The following PTPRA variants were observed in gnomAD, a reference collection of about 807,000 sequenced individuals.
PTPRA encodes receptor-type tyrosine-protein phosphatase alpha.
PTPRA carries 25 observed loss-of-function variants against 104.8 expected under a neutral mutation model. The observed-to-expected ratio is 0.24, with a 90% CI of 0.17 to 0.33. The LOEUF (loss-of-function observed/expected upper bound fraction) is 0.33, where lower values mean the gene tolerates loss of function less well. Ranked by LOEUF, PTPRA falls within the 10% of genes least tolerant of loss-of-function variation. The pLI is 1.00. For missense variants in PTPRA, 765 were observed against 1,015.3 expected, an observed-to-expected ratio of 0.75 and a Z score of 3.35; for synonymous variants, 323 against 368.9, an observed-to-expected ratio of 0.88 and a Z score of 1.43.
At chr20:2,893,012 C>G (rs1171731601) in intron 1 of PTPRA, among the ~76,000 whole-genome samples, 1 of 152,176 alleles carries the variant, frequency 6.6e-6, no homozygotes, top group African/African-American at 2.4e-5. Flanking sequence ...ACTGTCAATT[C>G]TGTCTTAATT....
At chr20:3,036,031 C>A in intron 22 of PTPRA, 90 bp downstream of exon 22, 1 of 1,582,082 alleles carries the variant, frequency 6.3e-7, no homozygotes, top group Non-Finnish European at 8.6e-7. Flanking sequence ...CTGAAGAAAG[C>A]CATACAAGAG....
chr20:2,954,153 C>G (rs1357505192), intron 3 of PTPRA, among the ~76,000 whole-genome samples: 1 of 148,586 alleles, frequency 6.7e-6, no homozygotes, highest in Non-Finnish European at 1.5e-5. Flanking sequence ...TCTTGGCTCA[C>G]TGCAACCTCC....
At chr20:2,873,372 A>C (rs2089479060), upstream of PTPRA, 2 of 152,274 alleles carry the variant, frequency 1.3e-5, no homozygotes, top group South Asian at 4.1e-4. This position sits in a 1 kb window ranked among gnomAD's most constrained non-coding sequence, Gnocchi z 4.4. Flanking sequence ...GTGAGCGCCC[A>C]GCGGAGCGCA....
chr20:2,982,759 C>CAAT (rs1025754052), intron 6 of PTPRA, among the ~76,000 whole-genome samples: 1 of 151,540 alleles, frequency 6.6e-6, no homozygotes, highest in African/African-American at 2.4e-5. Flanking sequence ...TGCAGTGGCG[C>CAAT]AATCTCGGCT....
At chr20:2,890,090 G>A (rs1387229191) in intron 1 of PTPRA, among the ~76,000 whole-genome samples, 2 of 149,222 alleles carry the variant, frequency 1.3e-5, no homozygotes, top group Non-Finnish European at 3.0e-5. Flanking sequence ...TAGAGATGAG[G>A]CCTCACTATG....
chr20:2,924,716 A>G (rs949846978), intron 2 of PTPRA, among the ~76,000 whole-genome samples: 26 of 152,096 alleles, frequency 1.7e-4, no homozygotes, highest in East Asian at 5.8e-4. Flanking sequence ...GAGTCTTGCT[A>G]TGTCACCAGG....
intron 1 of PTPRA, among the ~76,000 whole-genome samples, chr20:2,887,135 A>G (rs969323735): frequency 6.6e-6 from 1 of 152,194 alleles, no homozygotes; most frequent in African/African-American, 2.4e-5. Flanking sequence ...AGATTTTTCA[A>G]ACATAATGAG....
At chr20:2,935,672 A>G (rs1240169922) in intron 2 of PTPRA, among the ~76,000 whole-genome samples, 1 of 152,134 alleles carries the variant, frequency 6.6e-6, no homozygotes, top group Non-Finnish European at 1.5e-5. Context: ...GATCTACTTC[A>G]GCTTCGCTAC....
At position 3,022,191 on chromosome 20, in the gene PTPRA, G is replaced by C; in HGVS notation, c.1299G>C (p.Gln433His). 8 of 1,614,218 alleles carry C rather than the reference G, an allele frequency of 5.0e-6. No homozygotes were observed. The highest frequency in any genetic ancestry group is 6.8e-6 in the Non-Finnish European group (8 of 1,180,030). ...AGAAGGTGAAGGCCTGTAACCCTCA[G>C]TATGCAGGGGCCATCGTGGTCCACT... Reference protein sequence around the residue: ...FLKKVKACNPQYAGAIVVHCS... With the variant: ...FLKKVKACNPHYAGAIVVHCS... Residue 433 changes from glutamine (Q) to histidine (H), a missense_variant, in exon 15 of 24, where the codon CAG (glutamine) becomes CAC (histidine). By Grantham distance (24) the Gln-to-His change is conservative. Coordinates refer to ENST00000399903, the MANE Select transcript of PTPRA (RefSeq NM_001385305.1). The surrounding 1 kb of genome is among the most constrained non-coding windows in gnomAD (Gnocchi z 4.6).
At chr20:2,869,005 T>C (rs550923117), upstream of PTPRA, among the ~76,000 whole-genome samples, 6 of 152,316 alleles carry the variant, frequency 3.9e-5, no homozygotes, top group East Asian at 9.6e-4. Context: ...GAATTGTCTA[T>C]GGGGAGAGTT....
rs554433387 is a variant in PTPRA, at chr20:2,928,856, G to A, written c.-50+5571G>A. On this transcript the variant is annotated intron_variant, in intron 2 of 23. Transcript: ENST00000399903. ...TTTTTTTTTTTTTTTTTGAGACAGG[G>A]TCTCACCCTGTGGCCCAGACTGGAG... Among the ~76,000 whole-genome samples the A allele has an allele frequency of 7.4e-5, 11 of 147,858 alleles. 1 individual carries two copies. The South Asian group carries it at 1.9e-3, about 26-fold the overall frequency.
chr20:2,992,283 G>A (rs1391744109), intron 9 of PTPRA, among the ~76,000 whole-genome samples: 2 of 152,118 alleles, frequency 1.3e-5, no homozygotes, highest in Admixed American at 6.5e-5. Context: ...TTGAGAGGCT[G>A]AGTTGGACAG....
At chr20:2,984,615 G>T (rs1324107923) in intron 6 of PTPRA, among the ~76,000 whole-genome samples, 2 of 152,136 alleles carry the variant, frequency 1.3e-5, no homozygotes, top group East Asian at 1.9e-4. Flanking sequence ...TATCTCCTCT[G>T]TTCAAAGCCC....
chr20:2,894,573 G>C (rs2058920371), intron 1 of PTPRA, among the ~76,000 whole-genome samples: 1 of 151,628 alleles, frequency 6.6e-6, no homozygotes, highest in Non-Finnish European at 1.5e-5. Flanking sequence ...CTCCCAAGGT[G>C]CTAGAATTAT....
intron 16 of PTPRA, among the ~76,000 whole-genome samples, chr20:3,023,709 T>TA (rs1342407444): frequency 6.6e-6 from 1 of 152,208 alleles, no homozygotes; most frequent in African/African-American, 2.4e-5. Context: ...ATAGTAGAGA[T>TA]AGTGATCAAT....
At chr20:2,886,660 C>T (rs1202236796) in intron 1 of PTPRA, among the ~76,000 whole-genome samples, 1 of 146,474 alleles carries the variant, frequency 6.8e-6, no homozygotes, top group Non-Finnish European at 1.5e-5. Context: ...GCCTGACCAA[C>T]ATGGAGAAAC....
At chr20:2,869,778 C>G (rs1214471554), upstream of PTPRA, among the ~76,000 whole-genome samples, 2 of 152,014 alleles carry the variant, frequency 1.3e-5, no homozygotes, top group Non-Finnish European at 2.9e-5. Flanking sequence ...CCAGCCTGGC[C>G]AACATGGTGA....
rs1356573658 is a variant in PTPRA at position 3,037,366 on chromosome 20, G to T, written c.2334+77G>T. On this transcript the variant is annotated intron_variant, in intron 23 of 23. Transcript: ENST00000399903. The surrounding 1 kb of genome is among the most constrained non-coding windows in gnomAD (Gnocchi z 4.3). ...CTCAGGGAGGAGGCTCTTCAGAGGG[G>T]CCCACCCAGTAGTCAGAAGACTGTC... is the stretch of plus-strand genomic sequence containing the variant. 2 of 1,577,652 alleles carry T rather than the reference G, an allele frequency of 1.3e-6. No individual in the cohort carries two copies. Among genetic ancestry groups the T allele is most frequent in the East Asian group, 4.5e-5 (2 of 44,672 alleles).
intron 5 of PTPRA, among the ~76,000 whole-genome samples, chr20:2,967,156 C>T (rs1398306063): frequency 1.3e-5 from 2 of 152,308 alleles, no homozygotes; most frequent in East Asian, 3.9e-4. Flanking sequence ...AGGCCTATTT[C>T]TCACTTTTGC....
Sources: gnomAD v4.1 joint callset for allele counts (sites outside exome capture counted in the v4.1 genomes callset) on GRCh38, gnomAD v4.1.1 for gene constraint, Gnocchi (gnomAD v3.1) non-coding constraint, MANE v1.5 for transcripts, NCBI Gene and HGNC (gene_info 2026-07-23, HGNC 2026-07-21) for gene names.